WWC2: variants seen among roughly 807,000 people sequenced by gnomAD.
WWC2 encodes protein WWC2.
WWC2 carries 101 observed loss-of-function variants against 138.5 expected under a neutral mutation model. The ratio of observed to expected loss-of-function variants is 0.73; its 90% CI spans 0.62 to 0.86. The LOEUF is 0.86. Ranked by LOEUF, WWC2 falls within the 40% of genes least tolerant of loss-of-function variation. The pLI, the probability that WWC2 is intolerant of heterozygous loss-of-function variation, is 0.00. For synonymous variants in WWC2, 558 were observed against 538.4 expected (o/e 1.04, Z -0.50); for missense variants, 1,420 against 1,419.4 (o/e 1.00, Z -0.01).
chr4:183,188,737 C>T lies in WWC2; in HGVS notation c.132-4862C>T, dbSNP rs191471725. 6.3e-3 allele frequency among the ~76,000 whole-genome samples: 946 copies of T among 151,358 alleles called. 7 individuals are homozygous for T. Among genetic ancestry groups the T allele is most frequent in the Non-Finnish European group, 8.4e-3 (569 of 67,872 alleles). On this transcript the variant is annotated intron_variant, in intron 1 of 22. Transcript: ENST00000403733. ...TTCACTCACTGCAACCTCCACCTCCCGGGTTCAAGCGATTCTCCTGCCTAA... is the reference window on the plus strand; with the variant it reads ...TTCACTCACTGCAACCTCCACCTCCTGGGTTCAAGCGATTCTCCTGCCTAA...
chr4:183,242,159 G>T (rs1396690966), intron 5 of WWC2, among the ~76,000 whole-genome samples: 1 of 152,042 alleles, frequency 6.6e-6, no homozygotes, highest in African/African-American at 2.4e-5. Flanking sequence ...AAATAAAGCT[G>T]TTCTTATTCA....
chr4:183,167,143 T>G (rs1734151200), intron 1 of WWC2, among the ~76,000 whole-genome samples: 1 of 152,192 alleles, frequency 6.6e-6, no homozygotes, highest in African/African-American at 2.4e-5. Flanking sequence ...CCACGGAGTG[T>G]GGTTCTTCTC....
intron 1 of WWC2, among the ~76,000 whole-genome samples, chr4:183,128,930 T>C (rs1045430335): frequency 6.6e-6 from 1 of 152,216 alleles, no homozygotes; most frequent in African/African-American, 2.4e-5. Context: ...AGCTTTTTAG[T>C]TAGGCATACT....
chr4:183,245,355 T>G, intron 5 of WWC2, 61 bp from the exon 6 acceptor site: 2 of 1,358,806 alleles, frequency 1.5e-6, no homozygotes, highest in Non-Finnish European at 1.9e-6. Flanking sequence ...CTTCCTACTC[T>G]CTGTTTAACT....
At chr4:183,209,300 G>C (rs181219037) in intron 4 of WWC2, among the ~76,000 whole-genome samples, 10 of 152,048 alleles carry the variant, frequency 6.6e-5, no homozygotes, top group African/African-American at 2.2e-4. Context: ...CCAGGCTAGC[G>C]CACTGCAATC....
chr4:183,310,420 A>G (rs546583854), intron 21 of WWC2, among the ~76,000 whole-genome samples: 32 of 152,318 alleles, frequency 2.1e-4, no homozygotes, highest in African/African-American at 7.5e-4. Context: ...TGAGAAAAAA[A>G]CAATATATTG....
At chr4:183,118,282 T>G (rs1732490330) in intron 1 of WWC2, among the ~76,000 whole-genome samples, 1 of 152,212 alleles carries the variant, frequency 6.6e-6, no homozygotes, top group South Asian at 2.1e-4. Context: ...ATGTTTTTGT[T>G]GGATTTACTT....
rs1739456614 is a variant in WWC2 at position 183,316,846 on chromosome 4, G to T, written c.*1117G>T. 6.6e-6 allele frequency: 1 copy of T among 152,130 alleles called. No homozygotes were observed. Among genetic ancestry groups the T allele is most frequent in the Non-Finnish European group, 1.5e-5 (1 of 68,020 alleles). The allele number at this position is 152,130 out of a possible 1,614,324, so 9.4% of individuals were successfully genotyped here. Reference sequence around the variant, plus strand: ...GGGAGGCAAAGGGAAGAATGTGTGTGGGGGGATTATTAATTTGAAGTATAA... The same window carrying T: ...GGGAGGCAAAGGGAAGAATGTGTGTTGGGGGATTATTAATTTGAAGTATAA... On this transcript the variant is annotated 3_prime_UTR_variant, in exon 23 of 23. Transcript: ENST00000403733.
At chr4:183,238,211 G>A (rs551286474) in intron 4 of WWC2, among the ~76,000 whole-genome samples, 4 of 152,106 alleles carry the variant, frequency 2.6e-5, no homozygotes, top group South Asian at 4.2e-4. Context: ...AAGCACCTTC[G>A]TCCACCCTGC....
Position 183,229,652 on chromosome 4 carries a change from A to G in WWC2, c.523-10531A>G, listed in dbSNP as rs577513495. ...TTCTTTTCCAGCATCCATCATCTCA[A>G]TCTAATTATGAGAGAGTATCAGGCA... On this transcript the variant is annotated intron_variant, in intron 4 of 22. Coordinates refer to ENST00000403733, the MANE Select transcript of WWC2 (RefSeq NM_024949.6). 5.3e-5 allele frequency among the ~76,000 whole-genome samples: 8 copies of G among 152,110 alleles called. No homozygotes were observed. The South Asian group carries it at 1.5e-3, about 28-fold the overall frequency.
chr4:183,302,105 A>C (rs1212695405), intron 21 of WWC2, among the ~76,000 whole-genome samples: 1 of 152,240 alleles, frequency 6.6e-6, no homozygotes, highest in African/African-American at 2.4e-5. Context: ...TCTATTATAA[A>C]CAATGTGGAA....
intron 4 of WWC2, among the ~76,000 whole-genome samples, chr4:183,237,447 A>C (rs1267799430): frequency 6.6e-6 from 1 of 152,136 alleles, no homozygotes; most frequent in Non-Finnish European, 1.5e-5. Context: ...TAAAACTGAA[A>C]TGTTTTTGTG....
In WWC2 at chr4:183,227,024, G is replaced by T. The variant is rs1348122237; in HGVS notation, c.523-13159G>T. Among the ~76,000 whole-genome samples the T allele has an allele frequency of 5.9e-5, 9 of 151,942 alleles. 1 individual carries two copies. The highest frequency in any genetic ancestry group is 2.2e-4 in the African/African-American group (9 of 41,250). On this transcript the variant is annotated intron_variant, in intron 4 of 22. Transcript: ENST00000403733. ...GGTCTCATGGTGACAGACCCCAGCT[G>T]CATCAAGTGGGGACTCAGACAGTCA...
intron 2 of WWC2, among the ~76,000 whole-genome samples, chr4:183,206,530 G>A (rs149156737): frequency 1.1e-4 from 16 of 152,294 alleles, no homozygotes; most frequent in Non-Finnish European, 2.4e-4. Flanking sequence ...ACAGAAAAGT[G>A]CATAGACTGA....
intron 1 of WWC2, among the ~76,000 whole-genome samples, chr4:183,160,662 C>A (rs141488475): frequency 3.0e-4 from 46 of 152,178 alleles, no homozygotes; most frequent in African/African-American, 1.1e-3. Context: ...AAGTTAGTTG[C>A]CACATTGAAA....
At chr4:183,211,548 A>G (rs1376931369) in intron 4 of WWC2, among the ~76,000 whole-genome samples, 1 of 152,232 alleles carries the variant, frequency 6.6e-6, no homozygotes, top group East Asian at 1.9e-4. Context: ...AGGGCGGGTC[A>G]ATTTCCAGTT....
At chr4:183,201,879 A>G (rs1447040814) in intron 2 of WWC2, among the ~76,000 whole-genome samples, 2 of 152,136 alleles carry the variant, frequency 1.3e-5, no homozygotes, top group Non-Finnish European at 2.9e-5. Flanking sequence ...TATACCCAGG[A>G]TTTAATTTAT....
At chr4:183,288,774 A>G (rs995517872) in intron 20 of WWC2, among the ~76,000 whole-genome samples, 7 of 152,212 alleles carry the variant, frequency 4.6e-5, no homozygotes, top group African/African-American at 1.7e-4. Flanking sequence ...GTAGCACACA[A>G]TGGGAAATCA....
intron 1 of WWC2, among the ~76,000 whole-genome samples, chr4:183,146,772 G>A (rs769208918): frequency 6.6e-6 from 1 of 152,228 alleles, no homozygotes; most frequent in Non-Finnish European, 1.5e-5. Context: ...GAAACCAGTT[G>A]TGGTCTGAGA....
Sources: gnomAD v4.1 joint callset for allele counts (sites outside exome capture counted in the v4.1 genomes callset) on GRCh38, gnomAD v4.1.1 for gene constraint, MANE v1.5 for transcripts, NCBI Gene and HGNC (gene_info 2026-07-23, HGNC 2026-07-21) for gene names.